Variants in TMEM179 observed in about 807,000 individuals in gnomAD.
The protein encoded by TMEM179 is transmembrane protein 179A.
In TMEM179, 17 loss-of-function variants were observed where a neutral mutation model predicts 22.2. The ratio of observed to expected loss-of-function variants is 0.77; its 90% confidence interval spans 0.52 to 1.15. The LOEUF (loss-of-function observed/expected upper bound fraction) is 1.15. TMEM179 is among the 50% of genes most tolerant of loss of function. The pLI is 0.00. For synonymous variants in TMEM179, 127 were observed against 140.5 expected (o/e 0.90, Z 0.68); for missense variants, 265 against 313.6 (o/e 0.84, Z 1.17).
intron 2 of TMEM179, 43 bp downstream of exon 2, chr14:104,596,947 C>T: frequency 6.3e-7 from 1 of 1,586,088 alleles, no homozygotes; most frequent in Non-Finnish European, 8.5e-7. Context: ...AAGGGATCTT[C>T]CGGGGAGGTG....
At position 104,603,762 on chromosome 14, in the gene TMEM179, C is replaced by A. The variant is rs778111857; in HGVS notation, c.305+675G>T. Among the ~76,000 whole-genome samples the A allele has an allele frequency of 2.4e-4, 37 of 152,308 alleles. No homozygotes were observed. In the Middle Eastern group the frequency reaches 0.01, roughly 42 times the overall value. ...CCCCCAGAGGGCCCCCAGGGTGCCACTGGCTAAGGGTGTCACCGCACCCCA... is the reference window on the plus strand; with the variant it reads ...CCCCCAGAGGGCCCCCAGGGTGCCAATGGCTAAGGGTGTCACCGCACCCCA... On this transcript the variant is annotated intron_variant, in intron 1 of 3. Transcript: ENST00000556573.
In TMEM179 at chr14:104,595,961, G is replaced by A. The variant is rs1406160358; in HGVS notation, c.444-718C>T. ...TGGAAACAGTGTCTGTGAGGCCAAG[G>A]AAACTTTGCGTGTGTACCAGAGGTT... On this transcript the variant is annotated intron_variant, in intron 2 of 3. Coordinates refer to ENST00000556573, the MANE Select transcript of TMEM179 (RefSeq NM_001286389.2). This position sits in a 1 kb window ranked among gnomAD's most constrained non-coding sequence, Gnocchi z 5.7. 6.6e-6 allele frequency among the ~76,000 whole-genome samples: 1 copy of A among 152,252 alleles called. No homozygotes were observed. Among genetic ancestry groups the A allele is most frequent in the Non-Finnish European group, 1.5e-5 (1 of 68,042 alleles).
chr14:104,603,638 C>G (rs113957753), intron 1 of TMEM179, among the ~76,000 whole-genome samples: 1 of 137,510 alleles, frequency 7.3e-6, no homozygotes, highest in Non-Finnish European at 1.5e-5. Flanking sequence ...TCACAGAGGG[C>G]ACCCACAGAG....
In TMEM179 at chr14:104,604,453, A is replaced by G; in HGVS notation, c.289T>C (p.Cys97Arg). Reference protein sequence around the residue: ...AHAWRTLFFLCKGHEGSFFSA... With the variant: ...AHAWRTLFFLRKGHEGSFFSA... ...CCCACTTACCCCTCGTGTCCCTTGC[A>G]GAGGAAGAAGAGCGTGCGCCAGGCG... Residue 97 changes from cysteine to arginine, a missense_variant, in exon 1 of 4, where the codon TGC becomes CGC. Cys to Arg is a radical substitution (Grantham distance 180). Coordinates refer to ENST00000556573, the MANE Select transcript of TMEM179 (RefSeq NM_001286389.2). This position sits in a 1 kb window ranked among gnomAD's most constrained non-coding sequence, Gnocchi z 4.6. 3 of 1,578,818 alleles carry G rather than the reference A, an allele frequency of 1.9e-6. No individual in the cohort carries two copies. The South Asian group carries it at 3.4e-5, about 18-fold the overall frequency.
At chr14:104,602,147 G>A (rs1293017411) in intron 1 of TMEM179, among the ~76,000 whole-genome samples, 4 of 152,214 alleles carry the variant, frequency 2.6e-5, no homozygotes, top group African/African-American at 9.7e-5. Flanking sequence ...ATGGCAAGAG[G>A]CAGAGCTGCT....
chr14:104,593,982 C>A, intron 3 of TMEM179: 1 of 1,147,266 alleles, frequency 8.7e-7, no homozygotes, highest in Non-Finnish European at 1.1e-6. Flanking sequence ...GTGGCGAGTG[C>A]TTTCTCCTCC....
chr14:104,602,175 C>A lies in TMEM179; in HGVS notation c.305+2262G>T, dbSNP rs150699427. Among the ~76,000 whole-genome samples, 16 of 152,342 alleles carry A rather than the reference C, an allele frequency of 1.1e-4. 1 individual carries two copies. The East Asian group carries it at 3.1e-3, about 29-fold the overall frequency. ...GAGCTGCTGTTACGGCATCCCTGGG[C>A]CTGCCGCCCAGTGTGTGCGAAATAG... On this transcript the variant is annotated intron_variant, in intron 1 of 3. Coordinates refer to ENST00000556573, the MANE Select transcript of TMEM179 (RefSeq NM_001286389.2).
intron 3 of TMEM179, chr14:104,593,965 G>A (rs1886928803): frequency 8.7e-6 from 9 of 1,038,558 alleles, no homozygotes; most frequent in East Asian, 3.3e-5. Flanking sequence ...AGGAGGGGCA[G>A]TGGCCAGTGG....
In TMEM179 at chr14:104,597,716, G is replaced by GCCTGGATCC. The variant is rs1887084042; in HGVS notation, c.306-590_306-589insGGATCCAGG. On this transcript the variant is annotated intron_variant, in intron 1 of 3. Transcript: ENST00000556573. This position sits in a 1 kb window ranked among gnomAD's most constrained non-coding sequence, Gnocchi z 4.8. ...TCGAACCTGGATCCCAGCCTGGATC[G>GCCTGGATCC]CAGACCTCTAGCCTCCGGAAGTGTG... Among the ~76,000 whole-genome samples the GCCTGGATCC allele has an allele frequency of 6.6e-6, 1 of 152,026 alleles. No individual in the cohort carries two copies. Among genetic ancestry groups the GCCTGGATCC allele is most frequent in the South Asian group, 2.1e-4 (1 of 4,830 alleles).
In TMEM179 at chr14:104,593,258, T is replaced by C. The variant is rs956610432; in HGVS notation, c.*221A>G. On this transcript the variant is annotated 3_prime_UTR_variant, in exon 4 of 4. Coordinates refer to ENST00000556573, the MANE Select transcript of TMEM179 (RefSeq NM_001286389.2). ...CCCCGCCCCACACCCATAGTCTCTC[T>C]GCACCATCCTCATCAGGGAGCCGGC... 3.3e-6 allele frequency: 2 copies of C among 610,716 alleles called. No individual in the cohort carries two copies. Among genetic ancestry groups the C allele is most frequent in the Non-Finnish European group, 5.7e-6 (2 of 348,240 alleles). 37.8% of individuals were successfully genotyped at this position (610,716 alleles called of 1,614,324 possible).
Position 104,595,354 on chromosome 14 carries a change from G to A in TMEM179, c.444-111C>T. ...GCTTTGCCCTACAATTGTTGGGCGA[G>A]GGGGTGGGCAGCAGGGAGTCTCTGG... On this transcript the variant is annotated intron_variant, in intron 2 of 3. Coordinates refer to ENST00000556573, the MANE Select transcript of TMEM179 (RefSeq NM_001286389.2). This position sits in a 1 kb window ranked among gnomAD's most constrained non-coding sequence, Gnocchi z 5.7. 1 of 1,067,598 alleles carries A rather than the reference G, an allele frequency of 9.4e-7. No homozygotes were observed. Among genetic ancestry groups the A allele is most frequent in the Non-Finnish European group, 1.4e-6 (1 of 734,032 alleles). 66.1% of individuals were successfully genotyped at this position (1,067,598 alleles called of 1,614,324 possible).
chr14:104,598,729 G>C (rs530777969), intron 1 of TMEM179, among the ~76,000 whole-genome samples: 1 of 152,218 alleles, frequency 6.6e-6, no homozygotes, highest in African/African-American at 2.4e-5. Context: ...CAAGGAGCCC[G>C]TCCACTGGCC....
At chr14:104,603,861 G>A (rs1481949541) in intron 1 of TMEM179, among the ~76,000 whole-genome samples, 1 of 152,212 alleles carries the variant, frequency 6.6e-6, no homozygotes, top group Admixed American at 6.5e-5. Flanking sequence ...AGGCCAGGAG[G>A]AGGAAGGCGC....
At chr14:104,594,920 C>T in intron 3 of TMEM179, 1 of 1,272,506 alleles carries the variant, frequency 7.9e-7, no homozygotes, top group Non-Finnish European at 9.9e-7. Flanking sequence ...CAGGGCCTTG[C>T]CACTTCCTGA....
At position 104,600,424 on chromosome 14, in the gene TMEM179, G is replaced by C. The variant is rs575507520; in HGVS notation, c.306-3297C>G. 5.9e-5 allele frequency among the ~76,000 whole-genome samples: 9 copies of C among 152,310 alleles called. 1 individual carries two copies. In the South Asian group the frequency reaches 1.9e-3, roughly 32 times the overall value. ...GCACGGGCAGGCAGATGAGTTTAAC[G>C]CAGCATCCCTCCGGCCCGCCAACCA... On this transcript the variant is annotated intron_variant, in intron 1 of 3. Transcript: ENST00000556573.
rs1886840931 is a variant in TMEM179 at position 104,591,402 on chromosome 14, A to G, written c.*2077T>C. ...CCCACCTTCTGCTGGGGACACAGAC[A>G]AGGAGCTCTCCGGACTGGAAAGAGT... On this transcript the variant is annotated 3_prime_UTR_variant, in exon 4 of 4. Coordinates refer to ENST00000556573, the MANE Select transcript of TMEM179 (RefSeq NM_001286389.2). 1 of 455,934 alleles carries G rather than the reference A, an allele frequency of 2.2e-6. No homozygotes were observed. The highest frequency in any genetic ancestry group is 4.4e-6 in the Non-Finnish European group (1 of 226,728). The allele number at this position is 455,934 out of a possible 1,614,324, so 28.2% of individuals were successfully genotyped here.
chr14:104,598,767 C>G (rs1887134206), intron 1 of TMEM179, among the ~76,000 whole-genome samples: 1 of 152,204 alleles, frequency 6.6e-6, no homozygotes, highest in South Asian at 2.1e-4. Context: ...GTTTTGGTGA[C>G]TGCTGGGCTG....
rs930090788 is a variant in TMEM179 at position 104,592,191 on chromosome 14, C to T, written c.*1288G>A. 6 of 154,418 alleles carry T rather than the reference C, an allele frequency of 3.9e-5. No individual in the cohort carries two copies. Among genetic ancestry groups the T allele is most frequent in the African/African-American group, 1.4e-4 (6 of 41,566 alleles). 9.6% of individuals were successfully genotyped at this position (154,418 alleles called of 1,614,324 possible). A position where few individuals can be genotyped will look rare whatever the true frequency, so the allele number is the denominator to read the frequency against. On this transcript the variant is annotated 3_prime_UTR_variant, in exon 4 of 4. Transcript: ENST00000556573. Reference sequence around the variant, plus strand: ...CAGGCGTGCACATGCTCACATGCAACACACGCACATTCACATGCACTTACG... The same window carrying T: ...CAGGCGTGCACATGCTCACATGCAATACACGCACATTCACATGCACTTACG...
chr14:104,603,964 A>G (rs1181904637), intron 1 of TMEM179, among the ~76,000 whole-genome samples: 1 of 152,214 alleles, frequency 6.6e-6, no homozygotes, highest in Non-Finnish European at 1.5e-5. Flanking sequence ...GCTCCCCTCC[A>G]GACAGCCATC....
Sources: gnomAD v4.1 joint callset for allele counts (sites outside exome capture counted in the v4.1 genomes callset) on GRCh38, gnomAD v4.1.1 for gene constraint, Gnocchi (gnomAD v3.1) non-coding constraint, MANE v1.5 for transcripts, NCBI Gene and HGNC (gene_info 2026-07-23, HGNC 2026-07-21) for gene names.